Variants in SYCP2L observed in about 807,000 individuals in gnomAD.
SYCP2L encodes synaptonemal complex protein 2-like.
SYCP2L carries 98 observed loss-of-function variants against 125.8 expected under a neutral mutation model. The ratio of observed to expected loss-of-function variants is 0.78; its 90% confidence interval spans 0.66 to 0.92. The LOEUF (loss-of-function observed/expected upper bound fraction) is 0.92, where lower values mean the gene tolerates loss of function less well. Among genes scored for constraint, SYCP2L ranks in the 40% least tolerant of loss-of-function variants. SYCP2L has a pLI of 0.00. For missense variants in SYCP2L, 842 were observed against 936.4 expected, an observed-to-expected ratio of 0.90 and a Z score of 1.32; for synonymous variants, 317 against 325.4, an observed-to-expected ratio of 0.97 and a Z score of 0.28.
intron 23 of SYCP2L, among the ~76,000 whole-genome samples, chr6:10,950,752 C>G (rs1019485092): frequency 1.3e-5 from 2 of 152,062 alleles, no homozygotes; most frequent in African/African-American, 4.8e-5. Flanking sequence ...CTTCGATCTC[C>G]CAGGCTTAAG....
At chr6:10,969,339 TC>T (rs1416120856) in intron 29 of SYCP2L, among the ~76,000 whole-genome samples, 1 of 151,286 alleles carries the variant, frequency 6.6e-6, no homozygotes, top group Non-Finnish European at 1.5e-5. Flanking sequence ...ACCTGATAAT[TC>T]CCCTTCTAGG....
At chr6:10,900,961 C>T (rs115768453) in intron 6 of SYCP2L, among the ~76,000 whole-genome samples, 188 of 152,278 alleles carry the variant, frequency 1.2e-3, no homozygotes, top group African/African-American at 4.3e-3. Context: ...TCCCTCTCTC[C>T]GAAGTAGAAA....
At chr6:10,902,814 A>T in intron 7 of SYCP2L, 52 bp downstream of exon 7, 1 of 1,610,120 alleles carries the variant, frequency 6.2e-7, no homozygotes. Flanking sequence ...ACCTAAAAGA[A>T]GATCGTACAT....
chr6:10,895,687 C>T (rs1780246936), intron 4 of SYCP2L, among the ~76,000 whole-genome samples: 1 of 151,898 alleles, frequency 6.6e-6, no homozygotes, highest in Non-Finnish European at 1.5e-5. Context: ...CGAAGAGAAA[C>T]CTCATCATAT....
At chr6:10,963,502 G>A (rs1284695795) in intron 28 of SYCP2L, 1 of 385,694 alleles carries the variant, frequency 2.6e-6, no homozygotes, top group African/African-American at 2.1e-5. Context: ...TCAGCCCCTA[G>A]CTTAGAACTA....
intron 23 of SYCP2L, among the ~76,000 whole-genome samples, chr6:10,950,775 C>T (rs56230200): frequency 0.22 from 33,937 of 151,934 alleles, 4,366 homozygotes; most frequent in East Asian, 0.44. Context: ...ATCCTCCCAC[C>T]TCAGCCTCCC....
At chr6:10,888,096 T>A (rs1381657984) in intron 1 of SYCP2L, among the ~76,000 whole-genome samples, 2 of 77,300 alleles carry the variant, frequency 2.6e-5, no homozygotes, top group East Asian at 6.9e-4. Flanking sequence ...TTTTTTTTTT[T>A]TTTTTTTTTT....
chr6:10,910,082 T>A (rs1780578799), intron 10 of SYCP2L, 66 bp from the exon 11 acceptor site: 1 of 1,348,178 alleles, frequency 7.4e-7, no homozygotes, highest in African/African-American at 1.5e-5. Flanking sequence ...CTCTGTATGC[T>A]AAGGTAGTAT....
At chr6:10,925,563 G>C (rs1780882584) in intron 15 of SYCP2L, among the ~76,000 whole-genome samples, 1 of 152,200 alleles carries the variant, frequency 6.6e-6, no homozygotes, top group Non-Finnish European at 1.5e-5. Context: ...CTGTGGTAAT[G>C]GCCCATAGAA....
At chr6:10,930,141 T>G (rs1246716017) in intron 18 of SYCP2L, 2 of 352,182 alleles carry the variant, frequency 5.7e-6, no homozygotes, top group Non-Finnish European at 1.0e-5. Context: ...TGCAAACGTT[T>G]TATTAGAAAG....
At chr6:10,922,465 CTTTTT>C (rs1205724403) in intron 14 of SYCP2L, among the ~76,000 whole-genome samples, 1 of 135,672 alleles carries the variant, frequency 7.4e-6, no homozygotes, top group African/African-American at 2.7e-5. Context: ...TAGCTAGTTA[CTTTTT>C]TTTTTTTTTT....
intron 23 of SYCP2L, among the ~76,000 whole-genome samples, chr6:10,943,579 C>G (rs1053343092): frequency 6.0e-5 from 9 of 149,886 alleles, no homozygotes; most frequent in African/African-American, 2.2e-4. Flanking sequence ...ATAAAGTGAA[C>G]ATCTGTGTAA....
chr6:10,897,511 A>G (rs1780277907), intron 4 of SYCP2L, among the ~76,000 whole-genome samples: 1 of 151,824 alleles, frequency 6.6e-6, no homozygotes, highest in Non-Finnish European at 1.5e-5. Flanking sequence ...TTCTGGGGTC[A>G]AGTGATCCTC....
intron 26 of SYCP2L, 101 bp downstream of exon 26, chr6:10,958,976 G>T: frequency 1.1e-6 from 1 of 910,228 alleles, no homozygotes; most frequent in Non-Finnish European, 1.7e-6. Flanking sequence ...GTTGGGGCCT[G>T]AGCAGATGTG....
chr6:10,893,355 A>G (rs1489888922), intron 2 of SYCP2L, among the ~76,000 whole-genome samples: 1 of 152,198 alleles, frequency 6.6e-6, no homozygotes. Flanking sequence ...GAAAAGATGA[A>G]TTTCATTCAT....
At chr6:10,955,332 A>C in intron 24 of SYCP2L, 115 bp downstream of exon 24, 1 of 616,556 alleles carries the variant, frequency 1.6e-6, no homozygotes. Context: ...AGTAGCTACA[A>C]AATCCTAAAA....
Position 10,944,894 on chromosome 6 carries a change from A to C in SYCP2L, c.1954+2148A>C, listed in dbSNP as rs148435876. 8.9e-4 allele frequency among the ~76,000 whole-genome samples: 135 copies of C among 152,094 alleles called. 1 individual carries two copies. The East Asian group carries it at 0.024, about 27-fold the overall frequency. ...CATACCCAGCTAATTTTGCATTTTT[A>C]GTAGCAACGGGGTTTCGCCATGTTG... On this transcript the variant is annotated intron_variant, in intron 23 of 29. Coordinates refer to ENST00000283141, the MANE Select transcript of SYCP2L (RefSeq NM_001040274.3).
chr6:10,913,352 G>A (rs1581823505), intron 14 of SYCP2L, among the ~76,000 whole-genome samples: 1 of 152,170 alleles, frequency 6.6e-6, no homozygotes, highest in Non-Finnish European at 1.5e-5. Flanking sequence ...AAAGGACATG[G>A]CTGTCAGGAA....
At chr6:10,907,892 G>GTTTTTTTTTTTTGTT (rs1780527152) in intron 10 of SYCP2L, among the ~76,000 whole-genome samples, 2 of 91,922 alleles carry the variant, frequency 2.2e-5, no homozygotes, top group African/African-American at 8.3e-5. Context: ...ATACAGATAG[G>GTTTTTTTTTTTTGTT]TTTTTTTTTT....
Sources: allele counts gnomAD v4.1 joint callset (sites outside exome capture counted in the v4.1 genomes callset), GRCh38; gene constraint gnomAD v4.1.1; transcripts MANE v1.5; gene names NCBI Gene and HGNC (gene_info 2026-07-23, HGNC 2026-07-21).